Variants in LAMB3 observed in about 807,000 individuals in gnomAD.
LAMB3 encodes the protein laminin subunit beta-3.
LAMB3 carries 104 observed loss-of-function variants against 140.3 expected under a neutral mutation model. That is an observed-to-expected ratio of 0.74 (90% CI 0.63 to 0.87). The LOEUF is 0.87. Among genes scored for constraint, LAMB3 ranks in the 40% least tolerant of loss-of-function variants. The probability of loss-of-function intolerance (pLI) is 0.00; values close to 1 mark genes in which losing one functional copy is unlikely to be tolerated. For synonymous variants in LAMB3, 592 were observed against 602.9 expected (o/e 0.98, Z 0.26); for missense variants, 1,531 against 1,575.2 (o/e 0.97, Z 0.47).
intron 14 of LAMB3, 149 bp from the exon 15 acceptor site, chr1:209,624,149 G>A (rs953179975): frequency 2.8e-5 from 19 of 680,212 alleles, no homozygotes; most frequent in Admixed American, 2.5e-4. Flanking sequence ...GGCTAAGGGG[G>A]TTCCGCTGGA....
Position 209,630,540 on chromosome 1 carries a change from G to C in LAMB3, c.943+75C>G, listed in dbSNP as rs112465043. On this transcript the variant is annotated intron_variant, in intron 9 of 22. Transcript: ENST00000356082. ...AAGACTGGATCCCCCTGCATCCCAG[G>C]TGAGATCATCAAGGCCTAGAGGGGC... 95 of 1,526,804 alleles carry C rather than the reference G, an allele frequency of 6.2e-5. No homozygotes were observed. In the African/African-American group the frequency reaches 1.1e-3, roughly 18 times the overall value. 94.6% of individuals were successfully genotyped at this position (1,526,804 alleles called of 1,614,324 possible). A position where few individuals can be genotyped will look rare whatever the true frequency, so the allele number is the denominator to read the frequency against.
At chr1:209,639,171 T>C (rs1321190981) in intron 3 of LAMB3, among the ~76,000 whole-genome samples, 1 of 152,184 alleles carries the variant, frequency 6.6e-6, no homozygotes, top group Admixed American at 6.5e-5. Flanking sequence ...CTGTCACCTC[T>C]ACTTCCTAGG....
chr1:209,651,267 C>T (rs2076564428), intron 1 of LAMB3: 1 of 424,204 alleles, frequency 2.4e-6, no homozygotes, highest in South Asian at 2.2e-5. Flanking sequence ...TGGACCCTGC[C>T]CTACCCCACA....
In LAMB3 at chr1:209,618,446, C is replaced by T; in HGVS notation, c.2909+6G>A. On this transcript the variant is annotated splice_donor_region_variant and intron_variant, in intron 19 of 22. Transcript: ENST00000356082. The stretch of plus-strand genomic sequence containing the variant: ...GCAGAGAGAAGTTCAGGGCCCAAGG[C>T]CATACCTGGCTTCCTCAGCCTCAGC... The T allele has an allele frequency of 5.0e-6, 8 of 1,613,194 alleles. No individual in the cohort carries two copies. Among genetic ancestry groups the T allele is most frequent in the Non-Finnish European group, 6.8e-6 (8 of 1,179,918 alleles).
chr1:209,614,938 T>G lies in LAMB3; in HGVS notation c.*333A>C. Reference sequence around the variant, plus strand: ...TTTGGCTTTTCATTTTTACATCACTTTTGTTAAGTTTTTGTGCTTGGTCCA... The same window carrying G: ...TTTGGCTTTTCATTTTTACATCACTGTTGTTAAGTTTTTGTGCTTGGTCCA... On this transcript the variant is annotated 3_prime_UTR_variant, in exon 23 of 23. Coordinates refer to ENST00000356082, the MANE Select transcript of LAMB3 (RefSeq NM_000228.3). 4.1e-6 allele frequency: 1 copy of G among 242,112 alleles called. No homozygotes were observed. Among genetic ancestry groups the G allele is most frequent in the Non-Finnish European group, 7.9e-6 (1 of 126,724 alleles). 15.0% of individuals were successfully genotyped at this position (242,112 alleles called of 1,614,324 possible).
intron 10 of LAMB3, 92 bp downstream of exon 10, chr1:209,629,645 T>C (rs1324501101): frequency 1.6e-6 from 2 of 1,258,464 alleles, no homozygotes; most frequent in African/African-American, 2.9e-5. Flanking sequence ...CTGAGGGCCT[T>C]GGTGTGCCCA....
chr1:209,646,689 C>A (rs1052239909), intron 3 of LAMB3, among the ~76,000 whole-genome samples: 4 of 152,204 alleles, frequency 2.6e-5, no homozygotes, highest in African/African-American at 4.8e-5. Context: ...GTGTGATTTG[C>A]AGATGGGGCA....
At chr1:209,643,026 G>C (rs4844482) in intron 3 of LAMB3, among the ~76,000 whole-genome samples, 4 of 152,114 alleles carry the variant, frequency 2.6e-5, no homozygotes, top group Non-Finnish European at 5.9e-5. Flanking sequence ...TAACATAGCC[G>C]AAGGAGGAAT....
chr1:209,641,958 C>T (rs1201570724), intron 3 of LAMB3, among the ~76,000 whole-genome samples: 1 of 152,142 alleles, frequency 6.6e-6, no homozygotes, highest in Non-Finnish European at 1.5e-5. Context: ...GCCTTCCGGC[C>T]GCCTGTCACC....
rs1004587732 is a variant in LAMB3 at position 209,627,476 on chromosome 1, C to G, written c.1392G>C (p.Gln464His). 13 of 1,614,072 alleles carry G rather than the reference C, an allele frequency of 8.1e-6. No homozygotes were observed. Among genetic ancestry groups the G allele is most frequent in the Non-Finnish European group, 9.3e-6 (11 of 1,180,026 alleles). The change falls in exon 12 of 23, where the codon CAG becomes CAC. Residue 464 changes from glutamine to histidine, a missense_variant. Gln to His is a conservative substitution (Grantham distance 24, BLOSUM62 0). Transcript: ENST00000356082. ...LPNVVGPKCD[Q>H]CAPYHWKLAS... is the part of the protein sequence containing the mutation. ...CCAGCTTCCAGTGGTAGGGAGCACA[C>G]TGGTCACATTTGGGACCCACCACGT...
At position 209,618,516 on chromosome 1, in the gene LAMB3, G is replaced by A. The variant is rs1184500659; in HGVS notation, c.2845C>T (p.Leu949=). 1.2e-6 allele frequency: 2 copies of A among 1,614,254 alleles called. No individual in the cohort carries two copies. The highest frequency in any genetic ancestry group is 1.1e-5 in the South Asian group (1 of 91,092). The change falls in exon 19 of 23, where the codon CTG becomes TTG. Residue 949 remains leucine, a synonymous_variant. Coordinates refer to ENST00000356082, the MANE Select transcript of LAMB3 (RefSeq NM_000228.3). ...AARLPNVDLV[L]SQTKQDIARA... is the part of the protein sequence containing the mutation. ...GCAATGTCCTGCTTGGTCTGGGACA[G>A]CACCAAGTCCACGTTGGGGAGCCTG... is the stretch of plus-strand genomic sequence containing the variant.
intron 3 of LAMB3, among the ~76,000 whole-genome samples, chr1:209,641,731 C>T (rs1371402841): frequency 6.6e-6 from 1 of 152,212 alleles, no homozygotes; most frequent in Non-Finnish European, 1.5e-5. Context: ...AAACTGGAGA[C>T]CTGTCGCTGG....
intron 21 of LAMB3, 105 bp from the exon 22 acceptor site, chr1:209,616,729 T>C (rs1483222003): frequency 1.8e-6 from 2 of 1,112,672 alleles, no homozygotes; most frequent in African/African-American, 3.1e-5. Flanking sequence ...AGTGGGAAGG[T>C]GCCTCCTATT....
intron 14 of LAMB3, among the ~76,000 whole-genome samples, chr1:209,624,583 C>T (rs77325112): frequency 0.026 from 4,010 of 152,326 alleles, 115 homozygotes; most frequent in East Asian, 0.14. Flanking sequence ...AGGCTTTGAT[C>T]AGGCACAGAA....
Position 209,623,085 on chromosome 1 carries a change from C to T in LAMB3, c.2453G>A (p.Cys818Tyr), listed in dbSNP as rs1477704674. The change falls in exon 17 of 23, where the codon TGC becomes TAC. Residue 818 changes from cysteine to tyrosine, a missense_variant. By Grantham distance (194) the Cys-to-Tyr change is radical. Coordinates refer to ENST00000356082, the MANE Select transcript of LAMB3 (RefSeq NM_000228.3). The surrounding 1 kb of genome is among the most constrained non-coding windows in gnomAD (Gnocchi z 4.2). ...ACCGGCCCTGGGAAGGACACCCCTG[C>T]AGCGGGAGCCACAGGCTGTGCCATT... The part of the protein sequence containing the change: ...QDNGTACGSR[C>Y]RGVLPRAGGA... The T allele has an allele frequency of 3.1e-6, 5 of 1,614,226 alleles. No individual in the cohort carries two copies. Among genetic ancestry groups the T allele is most frequent in the Non-Finnish European group, 4.2e-6 (5 of 1,180,034 alleles).
intron 1 of LAMB3, chr1:209,651,242 G>T: frequency 2.1e-6 from 1 of 465,998 alleles, no homozygotes; most frequent in Non-Finnish European, 3.9e-6. Context: ...CCTCTAAAAT[G>T]GATGGGAAGG....
chr1:209,630,547 C>G, intron 9 of LAMB3, 68 bp downstream of exon 9: 6 of 1,573,340 alleles, frequency 3.8e-6, no homozygotes, highest in Middle Eastern at 1.7e-4. Flanking sequence ...CAGGTGAGAT[C>G]ATCAAGGCCT....
At chr1:209,651,799 T>C (rs1200803080) in intron 1 of LAMB3, among the ~76,000 whole-genome samples, 1 of 132,440 alleles carries the variant, frequency 7.6e-6, no homozygotes, top group Non-Finnish European at 1.5e-5. Context: ...TGCCTTGAAT[T>C]GGATGTTCAC....
At chr1:209,631,369 C>G (rs944406355) in intron 8 of LAMB3, among the ~76,000 whole-genome samples, 2 of 152,202 alleles carry the variant, frequency 1.3e-5, no homozygotes, top group African/African-American at 2.4e-5. Context: ...CACCTTTTGG[C>G]CTTTAGCAAT....
Sources: allele counts gnomAD v4.1 joint callset (sites outside exome capture counted in the v4.1 genomes callset), GRCh38; gene constraint gnomAD v4.1.1; non-coding constraint Gnocchi (gnomAD v3.1); transcripts MANE v1.5; gene names NCBI Gene and HGNC (gene_info 2026-07-23, HGNC 2026-07-21).